DERA: variants seen among roughly 807,000 people sequenced by gnomAD.
DERA encodes the protein deoxyribose-phosphate aldolase.
DERA carries 15 observed loss-of-function variants against 41.1 expected under a neutral mutation model. That is an observed-to-expected ratio of 0.37 (90% CI 0.24 to 0.56). The LOEUF (loss-of-function observed/expected upper bound fraction) is 0.56. DERA is among the 20% of genes least tolerant of loss of function. DERA has a pLI of 0.81. For synonymous variants in DERA, 139 were observed against 137.4 expected, an observed-to-expected ratio of 1.01 and a Z score of -0.08; for missense variants, 396 against 403.4, an observed-to-expected ratio of 0.98 and a Z score of 0.16.
chr12:15,962,207 G>T (rs1260356967), intron 4 of DERA, among the ~76,000 whole-genome samples: 1 of 152,106 alleles, frequency 6.6e-6, no homozygotes, highest in Non-Finnish European at 1.5e-5. Flanking sequence ...TCCCAACCCT[G>T]CCCCTGCCTC....
chr12:15,942,843 T>C (rs1948418515), intron 1 of DERA, among the ~76,000 whole-genome samples: 1 of 152,232 alleles, frequency 6.6e-6, no homozygotes, highest in Admixed American at 6.5e-5. Context: ...AAATGCATCT[T>C]GGTTTATTTT....
At position 15,993,971 on chromosome 12, in the gene DERA, T is replaced by G. The variant is rs562094324; in HGVS notation, c.637+11535T>G. Among the ~76,000 whole-genome samples, 1 of 152,356 alleles carries G rather than the reference T, an allele frequency of 6.6e-6. No individual in the cohort carries two copies. Among genetic ancestry groups the G allele is most frequent in the South Asian group, 2.1e-4 (1 of 4,826 alleles). On this transcript the variant is annotated intron_variant, in intron 6 of 8. Coordinates refer to ENST00000428559, the MANE Select transcript of DERA (RefSeq NM_015954.4). This position sits in a 1 kb window ranked among gnomAD's most constrained non-coding sequence, Gnocchi z 4.4. ...TTTCTTTGTTTCTTCATGGTTGGGC[T>G]TCTGTGAAGAAAGAAAAAGAGAGAA... is the stretch of plus-strand genomic sequence containing the variant.
At chr12:15,950,590 A>G (rs1210257466) in intron 1 of DERA, among the ~76,000 whole-genome samples, 1 of 152,198 alleles carries the variant, frequency 6.6e-6, no homozygotes, top group Non-Finnish European at 1.5e-5. Flanking sequence ...CCCCTGTGCA[A>G]GATGGAATTG....
chr12:15,950,420 G>A (rs1417514054), intron 1 of DERA, among the ~76,000 whole-genome samples: 2 of 152,150 alleles, frequency 1.3e-5, no homozygotes, highest in African/African-American at 2.4e-5. Flanking sequence ...AGCCATTTTG[G>A]TTTTGGTGGG....
chr12:15,942,517 G>A (rs1948415903), intron 1 of DERA, among the ~76,000 whole-genome samples: 1 of 152,174 alleles, frequency 6.6e-6, no homozygotes, highest in Admixed American at 6.5e-5. Flanking sequence ...TCTTTCATCT[G>A]TCTTGAGATG....
chr12:15,911,745 C>G lies in DERA; in HGVS notation c.31+331C>G. Reference sequence around the variant, plus strand: ...AAAACAAAACCCAAAACAAACAACCCCCAAGCAGGTAAAAACAGATAAAAA... The same window carrying G: ...AAAACAAAACCCAAAACAAACAACCGCCAAGCAGGTAAAAACAGATAAAAA... On this transcript the variant is annotated intron_variant, in intron 1 of 8. Transcript: ENST00000428559. The surrounding 1 kb of genome is among the most constrained non-coding windows in gnomAD (Gnocchi z 4.5). 1.7e-6 allele frequency: 1 copy of G among 599,094 alleles called. No homozygotes were observed. 37.1% of individuals were successfully genotyped at this position (599,094 alleles called of 1,614,324 possible). A position where few individuals can be genotyped will look rare whatever the true frequency, so the allele number is the denominator to read the frequency against.
At chr12:15,927,654 G>A (rs917778571) in intron 1 of DERA, among the ~76,000 whole-genome samples, 3 of 152,028 alleles carry the variant, frequency 2.0e-5, no homozygotes, top group Admixed American at 6.6e-5. Flanking sequence ...ATAGTCATAC[G>A]GCTAGCAAGA....
At chr12:15,973,935 A>C (rs1316675731) in intron 5 of DERA, among the ~76,000 whole-genome samples, 3 of 152,208 alleles carry the variant, frequency 2.0e-5, no homozygotes, top group Non-Finnish European at 4.4e-5. Flanking sequence ...TTTATTTTTG[A>C]ATAATTTTAA....
Position 16,036,212 on chromosome 12 carries a change from T to C in DERA, c.751-20T>C. ...TCCAATAACAATAAAGATTGTTCTA[T>C]TCTCTGCCTTCCCATTTAGATAGGG... On this transcript the variant is annotated intron_variant, in intron 7 of 8. Transcript: ENST00000428559. The surrounding 1 kb of genome is among the most constrained non-coding windows in gnomAD (Gnocchi z 4.9). 6.3e-7 allele frequency: 1 copy of C among 1,582,552 alleles called. No individual in the cohort carries two copies. Among genetic ancestry groups the C allele is most frequent in the East Asian group, 2.3e-5 (1 of 44,196 alleles).
In DERA at chr12:15,911,711, A is replaced by G. The variant is rs1168960616; in HGVS notation, c.31+297A>G. 7.7e-6 allele frequency: 5 copies of G among 653,266 alleles called. No homozygotes were observed. Among genetic ancestry groups the G allele is most frequent in the Non-Finnish European group, 1.4e-5 (5 of 354,112 alleles). The allele number at this position is 653,266 out of a possible 1,614,324, so 40.5% of individuals were successfully genotyped here. A position where few individuals can be genotyped will look rare whatever the true frequency, so the allele number is the denominator to read the frequency against. ...TCTAGCTCGCTGGTTGGAAAACCCA[A>G]CAACCCAAAAAACAAAACCCAAAAC... On this transcript the variant is annotated intron_variant, in intron 1 of 8. Transcript: ENST00000428559. This position sits in a 1 kb window ranked among gnomAD's most constrained non-coding sequence, Gnocchi z 4.5.
rs1357219532 is a variant in DERA, at chr12:16,036,586, T to A, written c.901-104T>A. 8.5e-6 allele frequency: 9 copies of A among 1,056,356 alleles called. No homozygotes were observed. The highest frequency in any genetic ancestry group is 1.2e-5 in the Non-Finnish European group (9 of 724,596). 65.4% of individuals were successfully genotyped at this position (1,056,356 alleles called of 1,614,324 possible). The stretch of plus-strand genomic sequence containing the variant: ...AGCACATACTAGTGAGGCTTTCTAA[T>A]GAAATGTTCATTAAAACTATTTATT... On this transcript the variant is annotated intron_variant, in intron 8 of 8. Transcript: ENST00000428559. This position sits in a 1 kb window ranked among gnomAD's most constrained non-coding sequence, Gnocchi z 4.9.
At chr12:15,968,218 G>A (rs948996999) in intron 5 of DERA, among the ~76,000 whole-genome samples, 4 of 151,804 alleles carry the variant, frequency 2.6e-5, no homozygotes, top group Non-Finnish European at 5.9e-5. Context: ...TATATTGTAT[G>A]TTTTATTGTA....
At position 15,993,706 on chromosome 12, in the gene DERA, G is replaced by A. The variant is rs758689126; in HGVS notation, c.637+11270G>A. Reference sequence around the variant, plus strand: ...TAGGGTGAAAACTAATTAACTTGCTGTCTCATCCATGGAATAGATTTAAAT... The same window carrying A: ...TAGGGTGAAAACTAATTAACTTGCTATCTCATCCATGGAATAGATTTAAAT... On this transcript the variant is annotated intron_variant, in intron 6 of 8. Coordinates refer to ENST00000428559, the MANE Select transcript of DERA (RefSeq NM_015954.4). This position sits in a 1 kb window ranked among gnomAD's most constrained non-coding sequence, Gnocchi z 4.4. Among the ~76,000 whole-genome samples, 2 of 152,108 alleles carry A rather than the reference G, an allele frequency of 1.3e-5. No individual in the cohort carries two copies. Among genetic ancestry groups the A allele is most frequent in the East Asian group, 1.9e-4 (1 of 5,196 alleles).
At chr12:15,978,596 C>T (rs1422037859) in intron 5 of DERA, among the ~76,000 whole-genome samples, 2 of 152,154 alleles carry the variant, frequency 1.3e-5, no homozygotes, top group African/African-American at 4.8e-5. Flanking sequence ...AATGTCTTAT[C>T]TCAAGAGTCT....
intron 6 of DERA, among the ~76,000 whole-genome samples, chr12:15,986,874 G>T (rs964700181): frequency 6.6e-6 from 1 of 152,154 alleles, no homozygotes; most frequent in African/African-American, 2.4e-5. Flanking sequence ...TGCTGATGAT[G>T]AGTTCTTTCT....
Position 15,983,551 on chromosome 12 carries a change from A to G in DERA, c.637+1115A>G, listed in dbSNP as rs756550731. Among the ~76,000 whole-genome samples, 5 of 152,126 alleles carry G rather than the reference A, an allele frequency of 3.3e-5. No homozygotes were observed. Among genetic ancestry groups the G allele is most frequent in the Non-Finnish European group, 7.4e-5 (5 of 68,010 alleles). ...TGCTTCTCCCCCTGCTGTTTGGCCC[A>G]TTATCTCCTCTGTGTGTCCCCACGG... On this transcript the variant is annotated intron_variant, in intron 6 of 8. Transcript: ENST00000428559. The surrounding 1 kb of genome is among the most constrained non-coding windows in gnomAD (Gnocchi z 6.2).
rs1186532693 is a variant in DERA at position 15,915,862 on chromosome 12, C to T, written c.31+4448C>T. Among the ~76,000 whole-genome samples the T allele has an allele frequency of 6.6e-6, 1 of 152,122 alleles. No individual in the cohort carries two copies. Among genetic ancestry groups the T allele is most frequent in the African/African-American group, 2.4e-5 (1 of 41,436 alleles). On this transcript the variant is annotated intron_variant, in intron 1 of 8. Coordinates refer to ENST00000428559, the MANE Select transcript of DERA (RefSeq NM_015954.4). This position sits in a 1 kb window ranked among gnomAD's most constrained non-coding sequence, Gnocchi z 4.8. The stretch of plus-strand genomic sequence containing the variant: ...GTACAGGGAGTTTTAAGTAACCTGC[C>T]GAAAACCAGTTAGGTATAGCTAATG...
chr12:15,961,435 G>T (rs1290988571), intron 4 of DERA, among the ~76,000 whole-genome samples: 1 of 152,132 alleles, frequency 6.6e-6, no homozygotes, highest in Admixed American at 6.5e-5. Context: ...AACACTTTGG[G>T]GGGGCTCAGG....
rs949268070 is a variant in DERA, at chr12:16,030,105, T to G, written c.638-2437T>G. 1.0e-3 allele frequency among the ~76,000 whole-genome samples: 143 copies of G among 140,772 alleles called. 1 individual carries two copies. The highest frequency in any genetic ancestry group is 3.4e-3 in the African/African-American group (135 of 39,202). 92.4% of individuals were successfully genotyped at this position (140,772 alleles called of 152,430 possible). A position where few individuals can be genotyped will look rare whatever the true frequency, so the allele number is the denominator to read the frequency against. ...GCCCGGCTAATTTTTTTTTTTTTTT[T>G]GTATTTTTAGTAGAGATGGAGTTTC... is the stretch of plus-strand genomic sequence containing the variant. On this transcript the variant is annotated intron_variant, in intron 6 of 8. Transcript: ENST00000428559.
Sources: gnomAD v4.1 joint callset for allele counts (sites outside exome capture counted in the v4.1 genomes callset) on GRCh38, gnomAD v4.1.1 for gene constraint, Gnocchi (gnomAD v3.1) non-coding constraint, MANE v1.5 for transcripts, NCBI Gene and HGNC (gene_info 2026-07-23, HGNC 2026-07-21) for gene names.